Variants in THSD7B observed in about 807,000 individuals in gnomAD.
The protein encoded by THSD7B is thrombospondin type-1 domain-containing protein 7B.
In THSD7B, 138 loss-of-function variants were observed where a neutral mutation model predicts 213.6. The observed-to-expected ratio is 0.65, with a 90% CI of 0.56 to 0.74. The LOEUF is 0.74. THSD7B is among the 30% of genes least tolerant of loss of function. The pLI, the probability that THSD7B is intolerant of heterozygous loss-of-function variation, is 0.00. For missense variants in THSD7B, 1,931 were observed against 1,991.5 expected (o/e 0.97, Z 0.58); for synonymous variants, 742 against 687.0 (o/e 1.08, Z -1.25).
intron 15 of THSD7B, among the ~76,000 whole-genome samples, chr2:137,560,099 T>G (rs1681076807): frequency 8.2e-6 from 1 of 122,254 alleles, no homozygotes; most frequent in Non-Finnish European, 1.6e-5. Context: ...AGGAATACTT[T>G]TACACTGTTG....
At chr2:137,290,290 C>T (rs748811154) in intron 12 of THSD7B, among the ~76,000 whole-genome samples, 2 of 151,892 alleles carry the variant, frequency 1.3e-5, no homozygotes, top group Non-Finnish European at 2.9e-5. Flanking sequence ...AGGGTTTCAC[C>T]GTATTAGCCA....
rs966487650 is a variant in THSD7B at position 136,924,078 on chromosome 2, T to C, written c.139+41761T>C. ...CTTACGTTTACTTCTAGGAGTTTTA[T>C]AGTTTTAACTCTTCTGTTTAGGTTT... On this transcript the variant is annotated intron_variant, in intron 2 of 27. Coordinates refer to ENST00000409968, the MANE Select transcript of THSD7B (RefSeq NM_001316349.2). Among the ~76,000 whole-genome samples, 21 of 152,334 alleles carry C rather than the reference T, an allele frequency of 1.4e-4. 1 individual carries two copies. The highest frequency in any genetic ancestry group is 1.0e-3 in the South Asian group (5 of 4,830).
intron 7 of THSD7B, among the ~76,000 whole-genome samples, chr2:137,182,291 C>G (rs566152534): frequency 7.8e-4 from 119 of 152,292 alleles, no homozygotes; most frequent in African/African-American, 2.8e-3. Flanking sequence ...ACAGGCGCAG[C>G]TGAGAGAAAC....
Position 136,940,063 on chromosome 2 carries a change from A to G in THSD7B, c.139+57746A>G, listed in dbSNP as rs191096681. Among the ~76,000 whole-genome samples the G allele has an allele frequency of 3.2e-3, 492 of 152,248 alleles. 8 individuals are homozygous for G. Among genetic ancestry groups the G allele is most frequent in the Admixed American group, 0.029 (449 of 15,274 alleles). On this transcript the variant is annotated intron_variant, in intron 2 of 27. Coordinates refer to ENST00000409968, the MANE Select transcript of THSD7B (RefSeq NM_001316349.2). ...AACCCCCAAATAAGTTTGGTTTTTT[A>G]TCTTTTTTAACATTTGTATAATGGT...
chr2:137,639,890 CTAG>C (rs1682906086), intron 20 of THSD7B, among the ~76,000 whole-genome samples: 1 of 152,166 alleles, frequency 6.6e-6, no homozygotes, highest in Admixed American at 6.5e-5. Flanking sequence ...TAGGAAGTAA[CTAG>C]CTTGCTTTTG....
chr2:137,035,116 G>A (rs745932668), intron 2 of THSD7B, among the ~76,000 whole-genome samples: 6 of 152,108 alleles, frequency 3.9e-5, no homozygotes, highest in Non-Finnish European at 8.8e-5. Flanking sequence ...GATGCTAATT[G>A]GTCTCAGAAG....
intron 2 of THSD7B, among the ~76,000 whole-genome samples, chr2:136,897,491 G>A (rs1260401333): frequency 6.6e-6 from 1 of 152,140 alleles, no homozygotes; most frequent in East Asian, 1.9e-4. Context: ...CAGGAGTGAA[G>A]CCGCAGACCC....
At chr2:137,533,669 C>T (rs1347533425) in intron 15 of THSD7B, among the ~76,000 whole-genome samples, 1 of 151,778 alleles carries the variant, frequency 6.6e-6, no homozygotes, top group African/African-American at 2.4e-5. Context: ...ACAATTATTC[C>T]CTAAATAGAT....
At chr2:137,288,467 G>C (rs1683237013) in intron 12 of THSD7B, among the ~76,000 whole-genome samples, 1 of 152,054 alleles carries the variant, frequency 6.6e-6, no homozygotes. Context: ...GGAAAGCAGG[G>C]GGTTTTTGAA....
rs547035552 is a variant in THSD7B at position 137,127,215 on chromosome 2, A to G, written c.1369+11922A>G. On this transcript the variant is annotated intron_variant, in intron 5 of 27. Transcript: ENST00000409968. The stretch of plus-strand genomic sequence containing the variant: ...ACCTTCAATTTGTAAAAAATGCAAT[A>G]GCTGAAAAGTGAAATAAAATGAAGT... 2.6e-3 allele frequency among the ~76,000 whole-genome samples: 398 copies of G among 152,318 alleles called. 2 individuals carry two copies. The highest frequency in any genetic ancestry group is 8.8e-3 in the African/African-American group (367 of 41,572).
chr2:137,348,907 T>C lies in THSD7B; in HGVS notation c.2501-56706T>C, dbSNP rs149677457. Among the ~76,000 whole-genome samples the C allele has an allele frequency of 2.1e-3, 317 of 151,614 alleles. 1 individual carries two copies. Among genetic ancestry groups the C allele is most frequent in the African/African-American group, 7.0e-3 (290 of 41,440 alleles). ...GGATGACAGGAGGAGGTTCACTTTTTCTGGAGGGTTCAAAAACTGATACTC... is the reference window on the plus strand; with the variant it reads ...GGATGACAGGAGGAGGTTCACTTTTCCTGGAGGGTTCAAAAACTGATACTC... On this transcript the variant is annotated intron_variant, in intron 12 of 27. Transcript: ENST00000409968.
intron 26 of THSD7B, among the ~76,000 whole-genome samples, chr2:137,666,534 A>AT (rs201285259): frequency 7.6e-6 from 1 of 131,658 alleles, no homozygotes; most frequent in African/African-American, 2.6e-5. Context: ...ATTTTGATTG[A>AT]TTTCCCCCCC....
intron 17 of THSD7B, among the ~76,000 whole-genome samples, chr2:137,593,430 T>C (rs1558852793): frequency 6.6e-6 from 1 of 152,100 alleles, no homozygotes; most frequent in East Asian, 1.9e-4. Context: ...CAACATTTGA[T>C]ATTTTCCATG....
chr2:137,655,763 T>C, intron 22 of THSD7B, 103 bp downstream of exon 22: 1 of 1,303,126 alleles, frequency 7.7e-7, no homozygotes, highest in East Asian at 2.6e-5. Flanking sequence ...TTAAAGTTTT[T>C]AAATAACTTT....
chr2:137,329,819 G>C (rs1020376904), intron 12 of THSD7B, among the ~76,000 whole-genome samples: 2 of 152,206 alleles, frequency 1.3e-5, no homozygotes, highest in Non-Finnish European at 2.9e-5. Flanking sequence ...ATGAGGAGTC[G>C]AATGTTGATC....
At chr2:137,156,255 G>T (rs536239691) in intron 5 of THSD7B, 1 of 152,286 alleles carries the variant, frequency 6.6e-6, no homozygotes, top group South Asian at 2.1e-4. Flanking sequence ...GGTGGGCTTA[G>T]TGGGTCTGTG....
At chr2:136,858,421 A>C (rs1041631839) in intron 1 of THSD7B, among the ~76,000 whole-genome samples, 1 of 152,204 alleles carries the variant, frequency 6.6e-6, no homozygotes, top group African/African-American at 2.4e-5. Context: ...TATTCATGCC[A>C]CACAATATAA....
chr2:137,331,271 G>A (rs938177017), intron 12 of THSD7B, among the ~76,000 whole-genome samples: 4 of 150,690 alleles, frequency 2.7e-5, no homozygotes, highest in Admixed American at 6.6e-5. Flanking sequence ...ACAGAGTGTC[G>A]ATTGGTGCAC....
At chr2:137,548,070 G>A (rs909626954) in intron 15 of THSD7B, among the ~76,000 whole-genome samples, 9 of 151,860 alleles carry the variant, frequency 5.9e-5, no homozygotes, top group African/African-American at 7.3e-5. Context: ...CAAGGAAGCC[G>A]ACATAAGATG....
Sources: allele counts gnomAD v4.1 joint callset (sites outside exome capture counted in the v4.1 genomes callset), GRCh38; gene constraint gnomAD v4.1.1; transcripts MANE v1.5; gene names NCBI Gene and HGNC (gene_info 2026-07-23, HGNC 2026-07-21).